Variants in SPIN1 observed in about 807,000 individuals in gnomAD.
The protein encoded by SPIN1 is spindlin-1.
Under a neutral mutation model 26.0 loss-of-function variants are expected in SPIN1, and 3 were observed. The observed-to-expected ratio is 0.12, with a 90% confidence interval of 0.05 to 0.30. The LOEUF (loss-of-function observed/expected upper bound fraction) is 0.30. SPIN1 is among the 10% of genes least tolerant of loss of function. SPIN1 has a pLI of 1.00. For missense variants in SPIN1, 126 were observed against 333.4 expected, an observed-to-expected ratio of 0.38 and a Z score of 4.84; for synonymous variants, 101 against 116.5, an observed-to-expected ratio of 0.87 and a Z score of 0.86.
At chr9:88,393,910 T>C (rs1826993440) in intron 1 of SPIN1, among the ~76,000 whole-genome samples, 1 of 152,054 alleles carries the variant, frequency 6.6e-6, no homozygotes. Context: ...TGCAGTGGTG[T>C]GACCTTGGCT....
chr9:88,420,970 C>G (rs1221983102), intron 1 of SPIN1, among the ~76,000 whole-genome samples: 1 of 152,200 alleles, frequency 6.6e-6, no homozygotes, highest in African/African-American at 2.4e-5. Context: ...TCATTGGATG[C>G]TCATTCTATT....
chr9:88,408,249 A>AT (rs1306974520), intron 1 of SPIN1, among the ~76,000 whole-genome samples: 1 of 144,024 alleles, frequency 6.9e-6, no homozygotes, highest in Admixed American at 6.9e-5. Flanking sequence ...AATTTCTGCT[A>AT]TCCCCCCTTT....
chr9:88,464,987 A>G (rs1297058279), intron 4 of SPIN1, among the ~76,000 whole-genome samples: 1 of 152,222 alleles, frequency 6.6e-6, no homozygotes, highest in African/African-American at 2.4e-5. Context: ...TAGATATCTC[A>G]TAGAAGTGGA....
chr9:88,442,806 T>C (rs1017170029), intron 2 of SPIN1, among the ~76,000 whole-genome samples: 4 of 152,120 alleles, frequency 2.6e-5, no homozygotes, highest in African/African-American at 9.7e-5. Context: ...TGTGGTTTGG[T>C]GTCTGGCATT....
At chr9:88,470,935 A>G (rs1208426339) in intron 5 of SPIN1, among the ~76,000 whole-genome samples, 1 of 152,172 alleles carries the variant, frequency 6.6e-6, no homozygotes, top group Non-Finnish European at 1.5e-5. Flanking sequence ...ATGTCTATTC[A>G]TATCCCCTGC....
intron 4 of SPIN1, 59 bp downstream of exon 4, chr9:88,462,808 C>T (rs1230458942): frequency 6.7e-7 from 1 of 1,495,292 alleles, no homozygotes; most frequent in African/African-American, 1.4e-5. Flanking sequence ...GAACTGGATG[C>T]TTTTTTTATT....
intron 1 of SPIN1, among the ~76,000 whole-genome samples, chr9:88,392,631 C>A (rs891764458): frequency 6.6e-6 from 1 of 152,008 alleles, no homozygotes; most frequent in Admixed American, 6.6e-5. Context: ...TTCCTTCCTT[C>A]CTTCCTTCCT....
Position 88,395,206 on chromosome 9 carries a change from T to C in SPIN1, c.-159+6668T>C, listed in dbSNP as rs541104757. ...AAAAGTTATGTTCACAGCTTCACTT[T>C]AATTCTGTTCCTCCACGAATTTCTC... On this transcript the variant is annotated intron_variant, in intron 1 of 5. Transcript: ENST00000375859. Among the ~76,000 whole-genome samples the C allele has an allele frequency of 5.9e-5, 9 of 152,164 alleles. 1 individual carries two copies. The highest frequency in any genetic ancestry group is 2.1e-4 in the South Asian group (1 of 4,830).
At chr9:88,444,289 G>A (rs1481107098) in intron 2 of SPIN1, among the ~76,000 whole-genome samples, 1 of 137,784 alleles carries the variant, frequency 7.3e-6, no homozygotes, top group African/African-American at 2.7e-5. Flanking sequence ...CGCTTAGGCT[G>A]GAGTGCAGTG....
intron 2 of SPIN1, among the ~76,000 whole-genome samples, chr9:88,441,648 C>T (rs917691170): frequency 1.3e-5 from 2 of 151,404 alleles, no homozygotes; most frequent in African/African-American, 4.9e-5. Flanking sequence ...CCAGCTACTT[C>T]AGAGGTTGAG....
intron 5 of SPIN1, among the ~76,000 whole-genome samples, chr9:88,472,638 A>T (rs929872291): frequency 6.6e-6 from 1 of 152,088 alleles, no homozygotes; most frequent in African/African-American, 2.4e-5. Context: ...GATTACAGGC[A>T]CACGCCACCA....
At chr9:88,459,670 TGCC>T (rs1587812344) in intron 3 of SPIN1, among the ~76,000 whole-genome samples, 2 of 152,232 alleles carry the variant, frequency 1.3e-5, no homozygotes, top group Admixed American at 1.3e-4. Context: ...TGTCTCTCCT[TGCC>T]GCCATTTGTT....
chr9:88,420,028 G>A (rs868076903), intron 1 of SPIN1, among the ~76,000 whole-genome samples: 4 of 152,282 alleles, frequency 2.6e-5, no homozygotes, highest in Middle Eastern at 3.4e-3. Context: ...TGACCAATCC[G>A]CTTTTTGTTC....
intron 2 of SPIN1, among the ~76,000 whole-genome samples, chr9:88,428,709 C>A (rs1827807210): frequency 6.6e-6 from 1 of 151,864 alleles, no homozygotes; most frequent in Non-Finnish European, 1.5e-5. Context: ...TTTTCTTATT[C>A]TTTGATTTTT....
At chr9:88,431,139 C>T (rs575819716) in intron 2 of SPIN1, among the ~76,000 whole-genome samples, 72 of 152,148 alleles carry the variant, frequency 4.7e-4, no homozygotes, top group African/African-American at 1.7e-3. Flanking sequence ...CCCGCCTCGG[C>T]CTCCCAGAGT....
chr9:88,423,758 ATCT>A (rs143862849), intron 1 of SPIN1, among the ~76,000 whole-genome samples: 7,538 of 137,154 alleles, frequency 0.055, 622 homozygotes, highest in African/African-American at 0.19. Flanking sequence ...AAAGCTCTTG[ATCT>A]TCTTTATTTA....
At chr9:88,435,205 TTC>T (rs1345514791) in intron 2 of SPIN1, among the ~76,000 whole-genome samples, 1 of 151,994 alleles carries the variant, frequency 6.6e-6, no homozygotes, top group Non-Finnish European at 1.5e-5. Context: ...TTATTTTGCA[TTC>T]TTTTTTTTTT....
chr9:88,461,218 T>C (rs1015059960), intron 3 of SPIN1, among the ~76,000 whole-genome samples: 2 of 152,198 alleles, frequency 1.3e-5, no homozygotes, highest in Admixed American at 6.5e-5. Context: ...GATTGTGTAC[T>C]CAGAAGGGCT....
At position 88,413,650 on chromosome 9, in the gene SPIN1, C is replaced by T. The variant is rs72755877; in HGVS notation, c.-158-12732C>T. 7.8e-3 allele frequency among the ~76,000 whole-genome samples: 1,190 copies of T among 152,242 alleles called. 6 individuals carry two copies. The highest frequency in any genetic ancestry group is 0.012 in the Non-Finnish European group (850 of 68,022). ...TGCCTTGGCCTCCTAACATGTTGGC[C>T]TCCCAAGGTCTCACACTCTACAGGT... On this transcript the variant is annotated intron_variant, in intron 1 of 5. Coordinates refer to ENST00000375859, the MANE Select transcript of SPIN1 (RefSeq NM_006717.3).
Sources: allele counts gnomAD v4.1 joint callset (sites outside exome capture counted in the v4.1 genomes callset), GRCh38; gene constraint gnomAD v4.1.1; transcripts MANE v1.5; gene names NCBI Gene and HGNC (gene_info 2026-07-23, HGNC 2026-07-21).